SOX5: variants seen among roughly 807,000 people sequenced by gnomAD.
SOX5 encodes transcription factor SOX-5.
Under a neutral mutation model 92.0 loss-of-function variants are expected in SOX5, and 9 were observed. That is an observed-to-expected ratio of 0.10 (90% confidence interval 0.06 to 0.17). The LOEUF is 0.17. SOX5 is among the 10% of genes least tolerant of loss of function. SOX5 has a pLI of 1.00. For missense variants in SOX5, 642 were observed against 944.5 expected (o/e 0.68, Z 4.20); for synonymous variants, 344 against 336.3 (o/e 1.02, Z -0.25).
At chr12:24,273,180 A>C (rs1595037526) in intron 3 of SOX5, among the ~76,000 whole-genome samples, 2 of 152,164 alleles carry the variant, frequency 1.3e-5, no homozygotes, top group African/African-American at 4.8e-5. Flanking sequence ...AATCGCTTGA[A>C]CCTGCAAGGC....
At chr12:23,724,663 T>C (rs2093017033) in intron 6 of SOX5, among the ~76,000 whole-genome samples, 1 of 152,064 alleles carries the variant, frequency 6.6e-6, no homozygotes, top group African/African-American at 2.4e-5. Context: ...CCCTAGAAAG[T>C]TTTGGGATTA....
At chr12:23,776,894 G>A (rs1165280306) in intron 3 of SOX5, among the ~76,000 whole-genome samples, 1 of 152,136 alleles carries the variant, frequency 6.6e-6, no homozygotes, top group East Asian at 1.9e-4. Flanking sequence ...GCGGTCCAGG[G>A]GTTGGGGACC....
intron 6 of SOX5, among the ~76,000 whole-genome samples, chr12:23,689,860 G>GA (rs1166169923): frequency 1.3e-5 from 2 of 152,146 alleles, no homozygotes; most frequent in Non-Finnish European, 2.9e-5. Flanking sequence ...GTTTAATTCA[G>GA]AAAAAATACA....
chr12:24,336,674 C>T (rs1951940789), intron 2 of SOX5, among the ~76,000 whole-genome samples: 1 of 152,072 alleles, frequency 6.6e-6, no homozygotes, highest in Admixed American at 6.5e-5. Context: ...TGCTTTACTA[C>T]CTAAATATAG....
At chr12:24,095,090 AACACACACACACACAC>A (rs150030739) in intron 4 of SOX5, among the ~76,000 whole-genome samples, 4 of 131,548 alleles carry the variant, frequency 3.0e-5, no homozygotes, top group East Asian at 2.3e-4. Flanking sequence ...CTAGCCCCGA[AACACACACACACACAC>A]ACACACACAC....
intron 1 of SOX5, among the ~76,000 whole-genome samples, chr12:24,485,945 G>A (rs998060589): frequency 1.4e-5 from 2 of 146,910 alleles, no homozygotes; most frequent in African/African-American, 5.4e-5. Context: ...ATACCTTTCT[G>A]TTGTTGTTGT....
intron 4 of SOX5, among the ~76,000 whole-genome samples, chr12:24,172,402 G>A (rs959939466): frequency 6.6e-6 from 1 of 152,114 alleles, no homozygotes; most frequent in Non-Finnish European, 1.5e-5. Context: ...AGCCGGGCAT[G>A]GTGGTGCATG....
At chr12:23,665,789 C>T (rs2083697912) in intron 6 of SOX5, among the ~76,000 whole-genome samples, 1 of 152,118 alleles carries the variant, frequency 6.6e-6, no homozygotes, top group South Asian at 2.1e-4. Context: ...CTCTCTAACA[C>T]GACGAATAGT....
At chr12:23,632,233 T>C (rs1424124929) in intron 8 of SOX5, 1 of 152,088 alleles carries the variant, frequency 6.6e-6, no homozygotes, top group Non-Finnish European at 1.5e-5. Flanking sequence ...AAAGAAGGAA[T>C]TCAGTCTTTT....
At chr12:23,736,140 A>T (rs1279873042) in intron 5 of SOX5, among the ~76,000 whole-genome samples, 1 of 151,766 alleles carries the variant, frequency 6.6e-6, no homozygotes, top group African/African-American at 2.4e-5. Context: ...ATCAAGTAAT[A>T]GTCACTAACA....
intron 2 of SOX5, among the ~76,000 whole-genome samples, chr12:23,873,309 A>G (rs1568519643): frequency 6.6e-6 from 1 of 152,014 alleles, no homozygotes; most frequent in Non-Finnish European, 1.5e-5. Context: ...TCTCTCCAAA[A>G]AAAAAAGCAG....
rs762507363 is a variant in SOX5 at position 23,845,967 on chromosome 12, C to A, written c.481+16G>T. 3 of 1,604,762 alleles carry A rather than the reference C, an allele frequency of 1.9e-6. No individual in the cohort carries two copies. Among genetic ancestry groups the A allele is most frequent in the Non-Finnish European group, 2.6e-6 (3 of 1,171,522 alleles). On this transcript the variant is annotated intron_variant, in intron 3 of 14. Transcript: ENST00000451604. The stretch of plus-strand genomic sequence containing the variant: ...CAGGACACAGCATCAACTTTGTTTT[C>A]TCTTCCAGCCTTTACCTTCCGGCTC...
intron 1 of SOX5, among the ~76,000 whole-genome samples, chr12:24,536,960 A>G (rs1227048354): frequency 6.6e-6 from 1 of 152,216 alleles, no homozygotes; most frequent in Non-Finnish European, 1.5e-5. Flanking sequence ...AGAGACAGTC[A>G]TCATGCCACA....
At chr12:23,836,742 T>A (rs909648937) in intron 3 of SOX5, among the ~76,000 whole-genome samples, 1 of 151,942 alleles carries the variant, frequency 6.6e-6, no homozygotes, top group Non-Finnish European at 1.5e-5. Context: ...TAGCTGGGGC[T>A]TAATGAAATT....
chr12:23,741,132 A>T, intron 4 of SOX5, 93 bp from the exon 5 acceptor site: 1 of 886,420 alleles, frequency 1.1e-6, no homozygotes, highest in Non-Finnish European at 1.6e-6. Flanking sequence ...AGCCAGTCCA[A>T]ATATAAAGTT....
chr12:24,031,920 T>C (rs1181352410), intron 4 of SOX5, among the ~76,000 whole-genome samples: 4 of 151,932 alleles, frequency 2.6e-5, no homozygotes, highest in Admixed American at 2.6e-4. Context: ...AAAATTATCT[T>C]ATGCATAGGC....
chr12:23,582,059 C>A (rs1950115276), intron 9 of SOX5: 1 of 719,360 alleles, frequency 1.4e-6, no homozygotes, highest in African/African-American at 1.9e-5. Flanking sequence ...CAAAATTAAT[C>A]ATGCTGCTGC....
chr12:23,868,085 C>T (rs12579263), intron 2 of SOX5, among the ~76,000 whole-genome samples: 9,352 of 151,262 alleles, frequency 0.062, 372 homozygotes, highest in South Asian at 0.1. Flanking sequence ...CCCTCTCTCC[C>T]TCCTTCCTTC....
At chr12:24,239,512 G>A (rs543162656) in intron 3 of SOX5, among the ~76,000 whole-genome samples, 5 of 152,284 alleles carry the variant, frequency 3.3e-5, no homozygotes, top group Non-Finnish European at 4.4e-5. Flanking sequence ...AATCACCAGC[G>A]TGGGGAGAGA....
Sources: allele counts gnomAD v4.1 joint callset (sites outside exome capture counted in the v4.1 genomes callset), GRCh38; gene constraint gnomAD v4.1.1; transcripts MANE v1.5; gene names NCBI Gene and HGNC (gene_info 2026-07-23, HGNC 2026-07-21).